The following KALRN variants were observed in gnomAD, a reference collection of about 807,000 sequenced individuals.
KALRN encodes kalirin RhoGEF kinase.
In KALRN, 70 loss-of-function variants were observed where a neutral mutation model predicts 353.7. The observed-to-expected ratio is 0.20, with a 90% CI of 0.16 to 0.24. The LOEUF (loss-of-function observed/expected upper bound fraction) is 0.24, where lower values mean the gene tolerates loss of function less well. Among genes scored for constraint, KALRN ranks in the 10% least tolerant of loss-of-function variants. The pLI, the probability that KALRN is intolerant of heterozygous loss-of-function variation, is 1.00. For missense variants in KALRN, 2,791 were observed against 3,756.7 expected, an observed-to-expected ratio of 0.74 and a Z score of 6.72; for synonymous variants, 1,391 against 1,434.8, an observed-to-expected ratio of 0.97 and a Z score of 0.69.
chr3:124,194,744 C>T (rs899137518), intron 1 of KALRN, among the ~76,000 whole-genome samples: 1 of 152,128 alleles, frequency 6.6e-6, no homozygotes, highest in Non-Finnish European at 1.5e-5. Context: ...TGAGCCCTCT[C>T]CCAGTGCTCC....
In KALRN at chr3:124,632,616, G is replaced by T. The variant is rs752107116; in HGVS notation, c.5379G>T (p.Lys1793Asn). ...GKADGNIKKQ[K>N]KVRDGRKSFD... ...CAGATGGAAACATCAAAAAGCAGAA[G>T]AAAGTTCGCGATGGTCGGAAGAGCT... The change falls in exon 35 of 60, where the codon AAG becomes AAT. Residue 1793 changes from lysine (K) to asparagine (N), a missense_variant. This residue lies in a region of KALRN where 1,065 missense variants were observed against 1,156.4 expected (regional missense o/e 0.92). Coordinates refer to ENST00000682506, the MANE Select transcript of KALRN (RefSeq NM_001388419.1). 3.1e-6 allele frequency: 5 copies of T among 1,614,190 alleles called. No individual in the cohort carries two copies. Among genetic ancestry groups the T allele is most frequent in the Non-Finnish European group, 4.2e-6 (5 of 1,180,044 alleles).
intron 9 of KALRN, among the ~76,000 whole-genome samples, chr3:124,345,761 T>C (rs2082198006): frequency 2.0e-5 from 3 of 152,314 alleles, no homozygotes; most frequent in Admixed American, 2.0e-4. Flanking sequence ...TTCTCTGAAC[T>C]AGCACAATCA....
rs914545359 is a variant in KALRN at position 124,554,891 on chromosome 3, T to G, written c.4936-7952T>G. 3.3e-5 allele frequency among the ~76,000 whole-genome samples: 5 copies of G among 152,258 alleles called. No homozygotes were observed. The East Asian group carries it at 9.6e-4, about 29-fold the overall frequency. On this transcript the variant is annotated intron_variant, in intron 33 of 59. Transcript: ENST00000682506. ...ATTTGAGTATCTGTACATCTTTTGG[T>G]TTCTCCCATGAATGATTCTAAAATC...
chr3:124,655,724 C>G (rs529119060), intron 39 of KALRN, 57 bp downstream of exon 39: 2 of 1,233,828 alleles, frequency 1.6e-6, no homozygotes, highest in East Asian at 4.6e-5. Context: ...ACGTTGGACC[C>G]TACCTAGGCC....
rs2149556378 is a variant in KALRN at position 124,347,361 on chromosome 3, A to T, written c.1770+96A>T. On this transcript the variant is annotated intron_variant, in intron 10 of 59. Transcript: ENST00000682506. ...CATGATGACTTTGAAGAGGTGGCTC[A>T]GGTGAGAAGCTGTGTGTGTGTGTGT... 9.3e-6 allele frequency: 11 copies of T among 1,176,680 alleles called. No individual in the cohort carries two copies. In the East Asian group the frequency reaches 9.6e-5, roughly 10 times the overall value. 72.9% of individuals were successfully genotyped at this position (1,176,680 alleles called of 1,614,324 possible). A position where few individuals can be genotyped will look rare whatever the true frequency, so the allele number is the denominator to read the frequency against.
At chr3:124,209,757 A>T (rs2150490433) in intron 1 of KALRN, among the ~76,000 whole-genome samples, 1 of 152,354 alleles carries the variant, frequency 6.6e-6, no homozygotes, top group Non-Finnish European at 1.5e-5. Context: ...AAAATTCTAG[A>T]ATCTTAACTT....
intron 6 of KALRN, among the ~76,000 whole-genome samples, chr3:124,304,639 G>A (rs769743817): frequency 2.6e-5 from 4 of 152,098 alleles, no homozygotes; most frequent in Admixed American, 6.5e-5. Flanking sequence ...AATGCATACA[G>A]CAAATGAAAA....
At chr3:124,654,949 A>G (rs1321059684) in intron 38 of KALRN, among the ~76,000 whole-genome samples, 2 of 152,246 alleles carry the variant, frequency 1.3e-5, no homozygotes, top group Admixed American at 6.5e-5. Flanking sequence ...TGTAATTGTT[A>G]AATCCTGCAT....
intron 1 of KALRN, among the ~76,000 whole-genome samples, chr3:124,135,056 T>A (rs1242042743): frequency 6.6e-6 from 1 of 152,186 alleles, no homozygotes; most frequent in Non-Finnish European, 1.5e-5. Context: ...AAGTCATTAC[T>A]TGAAAAAGAT....
At chr3:124,288,878 G>C (rs1010614280) in intron 5 of KALRN, among the ~76,000 whole-genome samples, 2 of 152,112 alleles carry the variant, frequency 1.3e-5, no homozygotes, top group Non-Finnish European at 2.9e-5. Flanking sequence ...TGGGAAGGCA[G>C]GAAAAATTAG....
rs753133795 is a variant in KALRN, at chr3:124,413,564, A to G, written c.2441A>G (p.Gln814Arg). 6.2e-7 allele frequency: 1 copy of G among 1,614,128 alleles called. No homozygotes were observed. Among genetic ancestry groups the G allele is most frequent in the Admixed American group, 1.7e-5 (1 of 60,018 alleles). ...EDLTLAEQRL[Q>R]RHTERKLAMN... ...CTAACCCTGGCAGAACAGCGGCTGC[A>G]GCGCCACACAGAACGGAAGCTAGCC... The change falls in exon 14 of 60, where the codon CAG (glutamine) becomes CGG (arginine). Residue 814 changes from glutamine to arginine, a missense_variant. Coordinates refer to ENST00000682506, the MANE Select transcript of KALRN (RefSeq NM_001388419.1).
intron 9 of KALRN, among the ~76,000 whole-genome samples, chr3:124,337,725 C>T (rs1367711354): frequency 1.3e-5 from 2 of 152,176 alleles, no homozygotes; most frequent in Non-Finnish European, 2.9e-5. Flanking sequence ...ATGATACCAG[C>T]TCCTCTTTGT....
intron 28 of KALRN, among the ~76,000 whole-genome samples, chr3:124,485,755 C>A (rs1345526846): frequency 6.6e-6 from 1 of 152,106 alleles, no homozygotes; most frequent in South Asian, 2.1e-4. Flanking sequence ...TGGCGTGCAC[C>A]TGTAGTCCCA....
At chr3:124,454,151 C>G (rs756806093) in intron 21 of KALRN, among the ~76,000 whole-genome samples, 5 of 152,188 alleles carry the variant, frequency 3.3e-5, no homozygotes, top group African/African-American at 4.8e-5. Context: ...AAACTAAAGA[C>G]AAGATTCTGG....
At chr3:124,611,175 T>C (rs563425647) in intron 34 of KALRN, among the ~76,000 whole-genome samples, 1 of 152,188 alleles carries the variant, frequency 6.6e-6, no homozygotes, top group Admixed American at 6.5e-5. Flanking sequence ...GGCAGCCTTT[T>C]AGTAATGACC....
At chr3:124,383,799 T>C (rs559977720) in intron 10 of KALRN, among the ~76,000 whole-genome samples, 10 of 152,182 alleles carry the variant, frequency 6.6e-5, no homozygotes, top group Non-Finnish European at 8.8e-5. Flanking sequence ...CCCAAAACAC[T>C]CCTTACAGAC....
At chr3:124,072,555 T>A (rs1358240255) in intron 1 of KALRN, among the ~76,000 whole-genome samples, 1 of 151,912 alleles carries the variant, frequency 6.6e-6, no homozygotes, top group Non-Finnish European at 1.5e-5. Context: ...GTGAAGCCCA[T>A]CCTCCCACAC....
intron 1 of KALRN, among the ~76,000 whole-genome samples, chr3:124,112,218 G>A (rs763058765): frequency 7.3e-5 from 11 of 149,804 alleles, no homozygotes; most frequent in African/African-American, 1.7e-4. Context: ...TATGAGAATC[G>A]CTTGAACCCG....
intron 10 of KALRN, among the ~76,000 whole-genome samples, chr3:124,366,671 C>A (rs1170138452): frequency 6.6e-6 from 1 of 152,142 alleles, no homozygotes; most frequent in African/African-American, 2.4e-5. Flanking sequence ...CCTTTCTATT[C>A]CACAAAACCG....
Sources: allele counts gnomAD v4.1 joint callset (sites outside exome capture counted in the v4.1 genomes callset), GRCh38; gene constraint gnomAD v4.1.1; regional missense constraint gnomAD v4.1.1; transcripts MANE v1.5; gene names NCBI Gene and HGNC (gene_info 2026-07-23, HGNC 2026-07-21).